TRNAU1AP: variants seen among roughly 807,000 people sequenced by gnomAD.
TRNAU1AP encodes tRNA selenocysteine 1-associated protein 1.
In TRNAU1AP, 33 loss-of-function variants were observed where a neutral mutation model predicts 43.3. The observed-to-expected ratio is 0.76, with a 90% CI of 0.58 to 1.02. TRNAU1AP has a LOEUF of 1.02. TRNAU1AP is among the 50% of genes least tolerant of loss of function. The pLI, the probability that TRNAU1AP is intolerant of heterozygous loss-of-function variation, is 0.00. For synonymous variants in TRNAU1AP, 143 were observed against 129.1 expected, an observed-to-expected ratio of 1.11 and a Z score of -0.73; for missense variants, 290 against 362.7, an observed-to-expected ratio of 0.80 and a Z score of 1.63.
intron 5 of TRNAU1AP, 146 bp downstream of exon 5, chr1:28,564,980 A>G (rs754413424): frequency 4.0e-4 from 370 of 928,512 alleles, no homozygotes; most frequent in Middle Eastern, 6.5e-4. Context: ...CCCAGCTCCA[A>G]TACAGGTGAG....
At chr1:28,565,940 C>G (rs1311409357) in intron 5 of TRNAU1AP, 1 of 152,234 alleles carries the variant, frequency 6.6e-6, no homozygotes, top group Non-Finnish European at 1.5e-5. Flanking sequence ...TGTTAAATCT[C>G]ACTGAACTGG....
intron 5 of TRNAU1AP, among the ~76,000 whole-genome samples, chr1:28,566,353 G>A (rs1484584600): frequency 6.7e-6 from 1 of 149,182 alleles, no homozygotes; most frequent in Non-Finnish European, 1.5e-5. Flanking sequence ...CGTGGTGGCT[G>A]ACACTTGTAA....
At position 28,577,622 on chromosome 1, in the gene TRNAU1AP, C is replaced by T. The variant is rs372195568; in HGVS notation, c.850C>T (p.Pro284Ser). The T allele has an allele frequency of 3.6e-5, 58 of 1,613,756 alleles. No individual in the cohort carries two copies. Among genetic ancestry groups the T allele is most frequent in the Non-Finnish European group, 4.7e-5 (56 of 1,179,924 alleles). ...CCTGGACACAGTGTCTTCAGAGATC[C>T]CTGCCATGATGTAGCCAGGCCAAAG... ...QPLDTVSSEIPAMM is the reference protein window; with the variant it reads ...QPLDTVSSEISAMM Residue 284 changes from proline to serine, a missense_variant, in exon 9 of 9, where the codon CCT becomes TCT. Pro to Ser is a moderately conservative substitution (Grantham distance 74). Transcript: ENST00000373830.
chr1:28,557,894 A>G (rs115648506), intron 2 of TRNAU1AP, among the ~76,000 whole-genome samples: 2,204 of 141,418 alleles, frequency 0.016, 71 homozygotes, highest in African/African-American at 0.058. Flanking sequence ...GCCAACACCC[A>G]GCTAATTTTT....
intron 8 of TRNAU1AP, chr1:28,574,729 A>C (rs2124218914): frequency 6.6e-6 from 1 of 152,316 alleles, no homozygotes; most frequent in South Asian, 2.1e-4. Context: ...GTACAAAAAG[A>C]CTCAAAGTTT....
intron 8 of TRNAU1AP, among the ~76,000 whole-genome samples, chr1:28,576,290 A>G (rs974566644): frequency 2.6e-5 from 4 of 150,962 alleles, no homozygotes; most frequent in Non-Finnish European, 4.4e-5. Context: ...AGTAGCTGGC[A>G]CTACAGACAC....
At chr1:28,553,212 G>A in intron 1 of TRNAU1AP, 75 bp downstream of exon 1, 1 of 1,396,390 alleles carries the variant, frequency 7.2e-7, no homozygotes, top group South Asian at 1.5e-5. Flanking sequence ...GGATCTGAGT[G>A]GGAGGGGACT....
At chr1:28,575,856 CTTTT>C (rs34983069) in intron 8 of TRNAU1AP, among the ~76,000 whole-genome samples, 8 of 60,732 alleles carry the variant, frequency 1.3e-4, no homozygotes, top group South Asian at 9.9e-4. Context: ...CTGCGCCTGG[CTTTT>C]TTTTTTTTTT....
chr1:28,558,480 G>T (rs1003931331), intron 2 of TRNAU1AP, among the ~76,000 whole-genome samples: 2 of 150,104 alleles, frequency 1.3e-5, no homozygotes, highest in Admixed American at 6.6e-5. Flanking sequence ...TGCAACTTCC[G>T]CCTCCCGCGT....
In TRNAU1AP at chr1:28,577,775, ACACTGCTG is replaced by A; in HGVS notation, c.*142_*149del. 1.1e-6 allele frequency: 1 copy of A among 911,158 alleles called. No individual in the cohort carries two copies. Among genetic ancestry groups the A allele is most frequent in the Non-Finnish European group, 1.6e-6 (1 of 607,296 alleles). The allele number at this position is 911,158 out of a possible 1,614,324, so 56.4% of individuals were successfully genotyped here. A position where few individuals can be genotyped will look rare whatever the true frequency, so the allele number is the denominator to read the frequency against. On this transcript the variant is annotated 3_prime_UTR_variant, in exon 9 of 9. Coordinates refer to ENST00000373830, the MANE Select transcript of TRNAU1AP (RefSeq NM_017846.5). Reference sequence around the variant, plus strand: ...TTTGGAGATCATGAATGTTTCTACAACACTGCTGCATTCATTTGACCATTTGAGTTTGA... The same window carrying A: ...TTTGGAGATCATGAATGTTTCTACAACATTCATTTGACCATTTGAGTTTGA...
intron 8 of TRNAU1AP, chr1:28,574,728 GACTCA>G (rs879827237): frequency 2.0e-5 from 3 of 152,206 alleles, no homozygotes; most frequent in Non-Finnish European, 4.4e-5. Context: ...GGTACAAAAA[GACTCA>G]AAGTTTGAAA....
intron 6 of TRNAU1AP, among the ~76,000 whole-genome samples, chr1:28,567,949 A>C (rs1665576173): frequency 6.6e-6 from 1 of 152,096 alleles, no homozygotes; most frequent in Non-Finnish European, 1.5e-5. Flanking sequence ...GGATCACCTG[A>C]GGTCAGTAGT....
At position 28,562,803 on chromosome 1, in the gene TRNAU1AP, G is replaced by A. The variant is rs558435074; in HGVS notation, c.278+1405G>A. On this transcript the variant is annotated intron_variant, in intron 4 of 8. Coordinates refer to ENST00000373830, the MANE Select transcript of TRNAU1AP (RefSeq NM_017846.5). ...TCACCGTGTTAGCCAGGATGGTCTCGATCTCCTGACCTCGTGATCTGCCCA... is the reference window on the plus strand; with the variant it reads ...TCACCGTGTTAGCCAGGATGGTCTCAATCTCCTGACCTCGTGATCTGCCCA... Among the ~76,000 whole-genome samples the A allele has an allele frequency of 9.2e-5, 14 of 151,748 alleles. No individual in the cohort carries two copies. In the East Asian group the frequency reaches 1.9e-3, roughly 21 times the overall value.
At chr1:28,557,919 A>G (rs1665309893) in intron 2 of TRNAU1AP, among the ~76,000 whole-genome samples, 1 of 116,828 alleles carries the variant, frequency 8.6e-6, no homozygotes, top group African/African-American at 4.2e-5. Flanking sequence ...TTTTGGTTTG[A>G]GGCAGAGTCT....
chr1:28,571,297 TAC>T lies in TRNAU1AP; in HGVS notation c.654_655del (p.Tyr218Ter). 3 of 1,614,002 alleles carry T rather than the reference TAC, an allele frequency of 1.9e-6. No individual in the cohort carries two copies. Among genetic ancestry groups the T allele is most frequent in the Non-Finnish European group, 2.5e-6 (3 of 1,179,922 alleles). On this transcript the variant is annotated frameshift_variant, in exon 7 of 9. Coordinates refer to ENST00000373830, the MANE Select transcript of TRNAU1AP (RefSeq NM_017846.5). LOFTEE classifies it high-confidence loss of function. ...TGACCAGAACACAGGCAGCTACAGC[TAC>T]AGTTACCCCCAGTATGGCTATACCC... ...GYDQNTGSYS[Y>X]SYPQYGYTQS...
In TRNAU1AP at chr1:28,577,678, T is replaced by TGAGAG; in HGVS notation, c.*43_*47dup. On this transcript the variant is annotated 3_prime_UTR_variant, in exon 9 of 9. Coordinates refer to ENST00000373830, the MANE Select transcript of TRNAU1AP (RefSeq NM_017846.5). ...GCCAGGTTGCATGATGTGAGGGAGA[T>TGAGAG]GAGAGACTCCTTTTTAAAAATTGTG... The TGAGAG allele has an allele frequency of 6.4e-7, 1 of 1,555,758 alleles. No individual in the cohort carries two copies. The highest frequency in any genetic ancestry group is 8.7e-7 in the Non-Finnish European group (1 of 1,151,930).
At chr1:28,562,644 G>C (rs967743901) in intron 4 of TRNAU1AP, among the ~76,000 whole-genome samples, 1 of 151,038 alleles carries the variant, frequency 6.6e-6, no homozygotes, top group Non-Finnish European at 1.5e-5. Context: ...GCAGTGGCAC[G>C]ATCTCTGCTC....
At chr1:28,573,963 G>A (rs116292724) in intron 8 of TRNAU1AP, among the ~76,000 whole-genome samples, 4,958 of 151,586 alleles carry the variant, frequency 0.033, 300 homozygotes, top group African/African-American at 0.11. Flanking sequence ...AGTATTTACT[G>A]TCTAGGCACG....
chr1:28,571,565 T>C (rs1665661754), intron 7 of TRNAU1AP, among the ~76,000 whole-genome samples: 1 of 151,996 alleles, frequency 6.6e-6, no homozygotes, highest in South Asian at 2.1e-4. Flanking sequence ...GTAGATCACC[T>C]GAGGTCAGGA....
Sources: allele counts gnomAD v4.1 joint callset (sites outside exome capture counted in the v4.1 genomes callset), GRCh38; gene constraint gnomAD v4.1.1; transcripts MANE v1.5; gene names NCBI Gene and HGNC (gene_info 2026-07-23, HGNC 2026-07-21).